Variants in PRTFDC1 observed in about 807,000 individuals in gnomAD.
PRTFDC1 encodes the protein phosphoribosyl transferase domain containing 1.
A neutral mutation model predicts 34.6 loss-of-function variants in PRTFDC1; 38 were observed. That is an observed-to-expected ratio of 1.10 (90% CI 0.85 to 1.44). The LOEUF (loss-of-function observed/expected upper bound fraction) is 1.44. Among genes scored for constraint, PRTFDC1 ranks in the 40% most tolerant of loss-of-function variants. PRTFDC1 has a pLI of 0.00. For missense variants in PRTFDC1, 270 were observed against 283.0 expected, an observed-to-expected ratio of 0.95 and a Z score of 0.33; for synonymous variants, 93 against 98.1, an observed-to-expected ratio of 0.95 and a Z score of 0.31.
intron 3 of PRTFDC1, among the ~76,000 whole-genome samples, chr10:24,915,984 T>C (rs1008151705): frequency 4.6e-5 from 7 of 152,200 alleles, no homozygotes; most frequent in Non-Finnish European, 8.8e-5. Flanking sequence ...CTGCTTATCT[T>C]GGATGTTTAG....
intron 3 of PRTFDC1, among the ~76,000 whole-genome samples, chr10:24,912,739 A>G (rs907734374): frequency 6.6e-6 from 1 of 152,032 alleles, no homozygotes; most frequent in African/African-American, 2.4e-5. Flanking sequence ...CCTCATATCC[A>G]ATCCTCGTGG....
intron 4 of PRTFDC1, among the ~76,000 whole-genome samples, chr10:24,865,541 A>G (rs1847759223): frequency 6.6e-6 from 1 of 152,220 alleles, no homozygotes; most frequent in Non-Finnish European, 1.5e-5. Context: ...AGCTGCAGGC[A>G]AAAACTCTAT....
In PRTFDC1 at chr10:24,857,012, G is replaced by C. The variant is rs1565256309; in HGVS notation, c.424-17C>G. ...GACAACATCCTTTGCAAAAAGGACA[G>C]ATAAATTCAACAAAATGCATTTGAG... is the stretch of plus-strand genomic sequence containing the variant. On this transcript the variant is annotated splice_polypyrimidine_tract_variant and intron_variant, in intron 5 of 8. Transcript: ENST00000320152. 2 of 1,592,840 alleles carry C rather than the reference G, an allele frequency of 1.3e-6. No individual in the cohort carries two copies. Among genetic ancestry groups the C allele is most frequent in the Admixed American group, 1.7e-5 (1 of 59,992 alleles).
intron 3 of PRTFDC1, among the ~76,000 whole-genome samples, chr10:24,895,178 G>A (rs892470450): frequency 6.6e-6 from 1 of 151,186 alleles, no homozygotes; most frequent in African/African-American, 2.4e-5. Context: ...ATTTAAATTA[G>A]AAAGCTATAT....
chr10:24,941,093 C>T (rs1849149136), intron 2 of PRTFDC1, among the ~76,000 whole-genome samples: 1 of 151,446 alleles, frequency 6.6e-6, no homozygotes, highest in African/African-American at 2.4e-5. Flanking sequence ...TCGCTCTGTT[C>T]CCCAGGCTAC....
chr10:24,849,655 T>G lies in PRTFDC1; in HGVS notation c.*189A>C. ...AACAAGTCAAATAAAAGCACTGCTT[T>G]CTTTTCCTTAGGAACCTTTGATACT... is the stretch of plus-strand genomic sequence containing the variant. On this transcript the variant is annotated 3_prime_UTR_variant, in exon 9 of 9. Transcript: ENST00000320152. The G allele has an allele frequency of 1.8e-6, 1 of 548,084 alleles. No homozygotes were observed. The highest frequency in any genetic ancestry group is 3.2e-6 in the Non-Finnish European group (1 of 308,046). 34.0% of individuals were successfully genotyped at this position (548,084 alleles called of 1,614,324 possible).
intron 3 of PRTFDC1, among the ~76,000 whole-genome samples, chr10:24,872,836 G>A (rs1481320156): frequency 8.0e-6 from 1 of 125,532 alleles, no homozygotes; most frequent in African/African-American, 3.2e-5. Context: ...TTGAGACAGG[G>A]TCTCACTTTT....
At chr10:24,942,247 G>A in intron 2 of PRTFDC1, 83 bp downstream of exon 2, 1 of 1,111,678 alleles carries the variant, frequency 9.0e-7, no homozygotes, top group South Asian at 1.3e-5. Flanking sequence ...TCAGGAATAG[G>A]GTCCTAAAGT....
At chr10:24,899,029 GC>G (rs1848412064) in intron 3 of PRTFDC1, among the ~76,000 whole-genome samples, 1 of 152,180 alleles carries the variant, frequency 6.6e-6, no homozygotes, top group South Asian at 2.1e-4. Flanking sequence ...TGGACTTCCA[GC>G]CTCCAGAACT....
At chr10:24,869,832 G>T (rs199628222) in intron 4 of PRTFDC1, among the ~76,000 whole-genome samples, 1 of 152,062 alleles carries the variant, frequency 6.6e-6, no homozygotes, top group East Asian at 1.9e-4. Flanking sequence ...TGTGTCCTTG[G>T]GTGTGACCAT....
intron 3 of PRTFDC1, among the ~76,000 whole-genome samples, chr10:24,910,672 A>C (rs1477635368): frequency 2.6e-5 from 4 of 152,224 alleles, no homozygotes. Context: ...CACTTATTTC[A>C]CTATAAAAAG....
At chr10:24,860,297 C>A (rs886096699) in intron 4 of PRTFDC1, among the ~76,000 whole-genome samples, 10 of 152,136 alleles carry the variant, frequency 6.6e-5, no homozygotes, top group Non-Finnish European at 1.3e-4. Context: ...GGGAGAATCA[C>A]TTGAAACCGG....
At chr10:24,907,772 G>A (rs775839817) in intron 3 of PRTFDC1, among the ~76,000 whole-genome samples, 1 of 152,134 alleles carries the variant, frequency 6.6e-6, no homozygotes, top group Non-Finnish European at 1.5e-5. Flanking sequence ...TCTTTTAAAT[G>A]TAATGTGTTA....
Position 24,942,381 on chromosome 10 carries a change from T to C in PRTFDC1, c.104A>G (p.Tyr35Cys). ...DLNLFTYPQH[Y>C]YGDLEYVLIP... ...GAGGACATACTCCAAGTCTCCATAATAGTGCTGTGGGTACGTGAATAAATT... is the reference window on the plus strand; with the variant it reads ...GAGGACATACTCCAAGTCTCCATAACAGTGCTGTGGGTACGTGAATAAATT... Residue 35 changes from tyrosine (Y) to cysteine (C), a missense_variant, in exon 2 of 9, where the codon TAT becomes TGT. Coordinates refer to ENST00000320152, the MANE Select transcript of PRTFDC1 (RefSeq NM_020200.7). 6.2e-7 allele frequency: 1 copy of C among 1,613,896 alleles called. No individual in the cohort carries two copies.
At chr10:24,912,281 A>AAG (rs1468672970) in intron 3 of PRTFDC1, among the ~76,000 whole-genome samples, 2 of 147,958 alleles carry the variant, frequency 1.4e-5, no homozygotes, top group African/African-American at 5.0e-5. Context: ...AAAAAAAAAA[A>AAG]AAAAAAAAAA....
At chr10:24,889,262 C>A (rs1408441625) in intron 3 of PRTFDC1, among the ~76,000 whole-genome samples, 1 of 152,076 alleles carries the variant, frequency 6.6e-6, no homozygotes. Flanking sequence ...CCACCTAGAA[C>A]ACGCCCGATC....
At position 24,911,233 on chromosome 10, in the gene PRTFDC1, C is replaced by T. The variant is rs1487112401; in HGVS notation, c.339+25951G>A. Among the ~76,000 whole-genome samples, 4 of 152,172 alleles carry T rather than the reference C, an allele frequency of 2.6e-5. No individual in the cohort carries two copies. In the South Asian group the frequency reaches 8.3e-4, roughly 32 times the overall value. On this transcript the variant is annotated intron_variant, in intron 3 of 8. Transcript: ENST00000320152. ...GCTCCCTTGAGCCCCTTTTTAATTG[C>T]TTTCTTCCTCTCCACTTATAGCCTC...
At position 24,942,575 on chromosome 10, in the gene PRTFDC1, C is replaced by T. The variant is rs555670294; in HGVS notation, c.49-139G>A. On this transcript the variant is annotated intron_variant, in intron 1 of 8. Coordinates refer to ENST00000320152, the MANE Select transcript of PRTFDC1 (RefSeq NM_020200.7). ...GAACAAGGTTATTTGTTTCCACAAC[C>T]TGATACAAGGCGCAGTACTAAAGTG... The T allele has an allele frequency of 3.7e-4, 258 of 692,654 alleles. 2 individuals are homozygous for T. In the Middle Eastern group the frequency reaches 4.3e-3, roughly 11 times the overall value. The allele number at this position is 692,654 out of a possible 1,614,324, so 42.9% of individuals were successfully genotyped here.
chr10:24,867,003 G>C (rs971984903), intron 4 of PRTFDC1, among the ~76,000 whole-genome samples: 1 of 150,808 alleles, frequency 6.6e-6, no homozygotes, highest in South Asian at 2.1e-4. Context: ...AAGGGAGAAA[G>C]AAATGGAAGA....
Sources: allele counts gnomAD v4.1 joint callset (sites outside exome capture counted in the v4.1 genomes callset), GRCh38; gene constraint gnomAD v4.1.1; transcripts MANE v1.5; gene names NCBI Gene and HGNC (gene_info 2026-07-23, HGNC 2026-07-21).